SORCS1: variants seen among roughly 807,000 people sequenced by gnomAD.
SORCS1 encodes sortilin related VPS10 domain containing receptor 1, also known as VPS10 domain-containing receptor SorCS1.
A neutral mutation model predicts 146.1 loss-of-function variants in SORCS1; 60 were observed. The ratio of observed to expected loss-of-function variants is 0.41; its 90% CI spans 0.33 to 0.51. The LOEUF is 0.51. Ranked by LOEUF, SORCS1 falls within the 20% of genes least tolerant of loss-of-function variation. The pLI is 0.21. For synonymous variants in SORCS1, 637 were observed against 584.0 expected (o/e 1.09, Z -1.31); for missense variants, 1,352 against 1,487.6 (o/e 0.91, Z 1.50).
chr10:106,827,366 A>C (rs1179958559), intron 3 of SORCS1, among the ~76,000 whole-genome samples: 1 of 152,164 alleles, frequency 6.6e-6, no homozygotes, highest in Admixed American at 6.5e-5. Flanking sequence ...GTCACCTGTT[A>C]GGTGGAAGTA....
At chr10:107,067,260 C>T (rs1460058641) in intron 1 of SORCS1, among the ~76,000 whole-genome samples, 1 of 151,694 alleles carries the variant, frequency 6.6e-6, no homozygotes, top group African/African-American at 2.4e-5. Context: ...CAAATCCAAA[C>T]CTTAGGAAAA....
intron 1 of SORCS1, among the ~76,000 whole-genome samples, chr10:106,979,432 A>G (rs939253344): frequency 6.6e-6 from 1 of 152,176 alleles, no homozygotes; most frequent in South Asian, 2.1e-4. Flanking sequence ...ACTGACCAGC[A>G]AACAACAGTG....
chr10:106,865,412 C>T (rs767100621), intron 2 of SORCS1, among the ~76,000 whole-genome samples: 72 of 152,286 alleles, frequency 4.7e-4, no homozygotes, highest in Non-Finnish European at 7.5e-4. Context: ...ACATACCACA[C>T]AGCAGCCCTA....
intron 3 of SORCS1, among the ~76,000 whole-genome samples, chr10:106,792,386 A>T (rs1946357871): frequency 1.3e-5 from 2 of 152,220 alleles, no homozygotes; most frequent in South Asian, 4.1e-4. Context: ...AAAAAACTCA[A>T]ATTTGTTAAA....
At chr10:107,013,951 G>A (rs1265908404) in intron 1 of SORCS1, among the ~76,000 whole-genome samples, 1 of 152,088 alleles carries the variant, frequency 6.6e-6, no homozygotes, top group African/African-American at 2.4e-5. Flanking sequence ...GGCTACCCTT[G>A]GAGGGGGCTT....
intron 1 of SORCS1, among the ~76,000 whole-genome samples, chr10:107,040,044 G>C (rs1959087971): frequency 6.6e-6 from 1 of 152,002 alleles, no homozygotes; most frequent in East Asian, 1.9e-4. Context: ...TGGGTGACAG[G>C]GTGAGACCCC....
intron 1 of SORCS1, among the ~76,000 whole-genome samples, chr10:107,067,273 A>G (rs1395100430): frequency 6.6e-6 from 1 of 150,784 alleles, no homozygotes; most frequent in Non-Finnish European, 1.5e-5. Flanking sequence ...TAGGAAAAAG[A>G]GTGGCTACTT....
chr10:106,943,329 C>T (rs1954147842), intron 2 of SORCS1, among the ~76,000 whole-genome samples: 1 of 152,134 alleles, frequency 6.6e-6, no homozygotes, highest in Non-Finnish European at 1.5e-5. Flanking sequence ...CAGTTTTTCT[C>T]TCATTTTCTT....
chr10:107,123,266 G>T (rs1317324457), intron 1 of SORCS1, among the ~76,000 whole-genome samples: 1 of 152,116 alleles, frequency 6.6e-6, no homozygotes. Context: ...GCCCACATCT[G>T]ATGTTGAAAG....
At chr10:106,664,572 G>A in intron 17 of SORCS1, among the ~76,000 whole-genome samples, 1 of 152,152 alleles carries the variant, frequency 6.6e-6, no homozygotes, top group Admixed American at 6.5e-5. Flanking sequence ...AACCTGGGAG[G>A]CGGAGGTTGC....
intron 1 of SORCS1, among the ~76,000 whole-genome samples, chr10:107,128,050 A>G (rs1264717522): frequency 1.3e-5 from 2 of 152,222 alleles, no homozygotes; most frequent in Non-Finnish European, 2.9e-5. Flanking sequence ...GAGGATCTCA[A>G]CACATTATTT....
intron 1 of SORCS1, among the ~76,000 whole-genome samples, chr10:106,976,553 G>T (rs190106807): frequency 6.6e-6 from 1 of 151,920 alleles, no homozygotes; most frequent in South Asian, 2.1e-4. Flanking sequence ...GGATGGTCTC[G>T]ATCTCCTGAC....
chr10:106,598,574 T>C (rs917300150), intron 23 of SORCS1, among the ~76,000 whole-genome samples: 11 of 152,242 alleles, frequency 7.2e-5, no homozygotes, highest in African/African-American at 2.6e-4. Flanking sequence ...CCTATTACTT[T>C]TATCTGGTCT....
At chr10:107,097,172 A>G (rs1964597060) in intron 1 of SORCS1, among the ~76,000 whole-genome samples, 1 of 152,226 alleles carries the variant, frequency 6.6e-6, no homozygotes, top group South Asian at 2.1e-4. Context: ...ACTGAATAAA[A>G]ACCTCTGTGC....
intron 2 of SORCS1, among the ~76,000 whole-genome samples, chr10:106,938,668 AAC>A (rs1329617863): frequency 6.6e-6 from 1 of 152,242 alleles, no homozygotes; most frequent in Non-Finnish European, 1.5e-5. Context: ...CCATTTGAGT[AAC>A]AGTTTTGCGG....
At chr10:106,910,833 A>T (rs1248830366) in intron 2 of SORCS1, among the ~76,000 whole-genome samples, 1 of 152,122 alleles carries the variant, frequency 6.6e-6, no homozygotes, top group Non-Finnish European at 1.5e-5. Flanking sequence ...GATATTTCTT[A>T]GTTTTGTTCT....
At chr10:107,085,598 T>TA (rs991318398) in intron 1 of SORCS1, among the ~76,000 whole-genome samples, 3 of 152,078 alleles carry the variant, frequency 2.0e-5, no homozygotes, top group Admixed American at 6.5e-5. Flanking sequence ...ACATATGGGA[T>TA]AAAAAAATGC....
Position 106,672,725 on chromosome 10 carries a change from C to T in SORCS1, c.2058+143G>A. ...CTATTAATGGTGAGTTTGTTCACTG[C>T]TGTGGAACACAAATGTGTAAGAAAA... On this transcript the variant is annotated intron_variant, in intron 15 of 25. Coordinates refer to ENST00000263054, the MANE Select transcript of SORCS1 (RefSeq NM_052918.5). The T allele has an allele frequency of 4.5e-6, 3 of 671,454 alleles. No homozygotes were observed. The Admixed American group carries it at 7.3e-5, about 16-fold the overall frequency. The allele number at this position is 671,454 out of a possible 1,614,324, so 41.6% of individuals were successfully genotyped here.
rs551856776 is a variant in SORCS1 at position 106,929,442 on chromosome 10, T to A, written c.626+27071A>T. ...GGGAAAACTGAGATCTACAGAGATG[T>A]GGCTTATGTTTACTTTCCCTCCCTA... is the stretch of plus-strand genomic sequence containing the variant. On this transcript the variant is annotated intron_variant, in intron 2 of 25. Transcript: ENST00000263054. Among the ~76,000 whole-genome samples, 106 of 152,326 alleles carry A rather than the reference T, an allele frequency of 7.0e-4. 2 individuals are homozygous for A. The highest frequency in any genetic ancestry group is 2.5e-3 in the African/African-American group (104 of 41,582).
Sources: gnomAD v4.1 joint callset for allele counts (sites outside exome capture counted in the v4.1 genomes callset) on GRCh38, gnomAD v4.1.1 for gene constraint, MANE v1.5 for transcripts, NCBI Gene and HGNC (gene_info 2026-07-23, HGNC 2026-07-21) for gene names.